The following CABCOCO1 variants were observed in gnomAD, a reference collection of about 807,000 sequenced individuals.
The protein encoded by CABCOCO1 is ciliary associated calcium binding coiled-coil 1, also known as ciliary-associated calcium-binding coiled-coil protein 1.
CABCOCO1 carries 28 observed loss-of-function variants against 35.7 expected under a neutral mutation model. The ratio of observed to expected loss-of-function variants is 0.78; its 90% CI spans 0.58 to 1.07. The LOEUF (loss-of-function observed/expected upper bound fraction) is 1.07, where lower values mean the gene tolerates loss of function less well. Among genes scored for constraint, CABCOCO1 ranks in the 50% least tolerant of loss-of-function variants. The pLI is 0.00. For missense variants in CABCOCO1, 326 were observed against 309.2 expected, an observed-to-expected ratio of 1.05 and a Z score of -0.41; for synonymous variants, 95 against 100.1, an observed-to-expected ratio of 0.95 and a Z score of 0.30.
intron 5 of CABCOCO1, among the ~76,000 whole-genome samples, chr10:61,752,343 A>T (rs2132081952): frequency 7.2e-6 from 1 of 138,332 alleles, no homozygotes; most frequent in Non-Finnish European, 1.5e-5. Context: ...AAGAATCACT[A>T]AGTGAGACTT....
chr10:61,759,017 C>T (rs1442929209), intron 5 of CABCOCO1, among the ~76,000 whole-genome samples: 1 of 151,510 alleles, frequency 6.6e-6, no homozygotes, highest in Non-Finnish European at 1.5e-5. Context: ...GGTTTTTTTT[C>T]AGGCTTCACA....
In CABCOCO1 at chr10:61,681,322, C is replaced by T. The variant is rs773360653; in HGVS notation, c.334+10C>T. 18 of 1,509,258 alleles carry T rather than the reference C, an allele frequency of 1.2e-5. 1 individual carries two copies. In the South Asian group the frequency reaches 2.2e-4, roughly 18 times the overall value. 93.5% of individuals were successfully genotyped at this position (1,509,258 alleles called of 1,614,324 possible). On this transcript the variant is annotated intron_variant, in intron 3 of 7. Coordinates refer to ENST00000648843, the MANE Select transcript of CABCOCO1 (RefSeq NM_001366906.2). ...CTTCAAAATCTTAAAAGTAAGTACA[C>T]TATTTTCCTTTGAAGTAAAACAAAT...
intron 3 of CABCOCO1, among the ~76,000 whole-genome samples, chr10:61,682,986 A>T (rs1589118918): frequency 6.8e-6 from 1 of 147,594 alleles, no homozygotes; most frequent in Non-Finnish European, 1.5e-5. Flanking sequence ...CGCCTCCTGG[A>T]TTCAAGCGAT....
At position 61,681,247 on chromosome 10, in the gene CABCOCO1, A is replaced by G. The variant is rs769982964; in HGVS notation, c.269A>G (p.Asp90Gly). The stretch of plus-strand genomic sequence containing the variant: ...GGATTTTTGTGGGCTAGAGGAATGG[A>G]TTTCTCTATTATTCAGTATTCAAAA... ...VSGFLWARGM[D>G]FSIIQYSKFM... Residue 90 changes from aspartate (D) to glycine (G), a missense_variant, in exon 3 of 8, where the codon GAT becomes GGT. By Grantham distance (94) the Asp-to-Gly change is moderately conservative. Coordinates refer to ENST00000648843, the MANE Select transcript of CABCOCO1 (RefSeq NM_001366906.2). 3.2e-6 allele frequency: 5 copies of G among 1,572,928 alleles called. No individual in the cohort carries two copies. Among genetic ancestry groups the G allele is most frequent in the Non-Finnish European group, 4.3e-6 (5 of 1,152,798 alleles).
intron 4 of CABCOCO1, 57 bp downstream of exon 4, chr10:61,686,242 TG>T: frequency 2.1e-6 from 3 of 1,412,430 alleles, no homozygotes; most frequent in Non-Finnish European, 2.8e-6. Context: ...GGAAAATGTC[TG>T]TTAAGTAAAA....
rs1003463996 is a variant in CABCOCO1 at position 61,766,442 on chromosome 10, T to A, written c.*429T>A. The stretch of plus-strand genomic sequence containing the variant: ...ACGTTACTGGAACACTGTGAAAACA[T>A]ACCAGTACCACACTATTGAGGATAA... On this transcript the variant is annotated 3_prime_UTR_variant, in exon 8 of 8. Coordinates refer to ENST00000648843, the MANE Select transcript of CABCOCO1 (RefSeq NM_001366906.2). 1.3e-5 allele frequency: 2 copies of A among 152,552 alleles called. No homozygotes were observed. Among genetic ancestry groups the A allele is most frequent in the Admixed American group, 6.5e-5 (1 of 15,404 alleles). The allele number at this position is 152,552 out of a possible 1,614,324, so 9.4% of individuals were successfully genotyped here.
At chr10:61,744,701 C>G (rs1349955718) in intron 5 of CABCOCO1, among the ~76,000 whole-genome samples, 2 of 152,074 alleles carry the variant, frequency 1.3e-5, no homozygotes, top group Non-Finnish European at 2.9e-5. Context: ...GAGAGTCAGA[C>G]CTATTGTCCT....
rs1307188265 is a variant in CABCOCO1, at chr10:61,704,443, A to G, written c.552+13822A>G. The stretch of plus-strand genomic sequence containing the variant: ...CACTGGTGATGCTGGTTGCTATGCT[A>G]TAAGGACACTTGGCAGCATCTGGAG... On this transcript the variant is annotated intron_variant, in intron 5 of 7. Coordinates refer to ENST00000648843, the MANE Select transcript of CABCOCO1 (RefSeq NM_001366906.2). 3.3e-5 allele frequency among the ~76,000 whole-genome samples: 5 copies of G among 152,292 alleles called. No individual in the cohort carries two copies. In the East Asian group the frequency reaches 9.7e-4, roughly 29 times the overall value.
At chr10:61,677,811 G>GTTTTTTTTTTTTTTTTTTTTTTTTTTTTT (rs35492889) in intron 2 of CABCOCO1, among the ~76,000 whole-genome samples, 2 of 60,308 alleles carry the variant, frequency 3.3e-5, no homozygotes, top group African/African-American at 1.3e-4. Context: ...TTTTTTGGGT[G>GTTTTTTTTTTTTTTTTTTTTTTTTTTTTT]TTTTTTTTTT....
At chr10:61,691,641 C>T (rs904106061) in intron 5 of CABCOCO1, among the ~76,000 whole-genome samples, 1 of 152,080 alleles carries the variant, frequency 6.6e-6, no homozygotes, top group Non-Finnish European at 1.5e-5. Flanking sequence ...TATCCCTCCC[C>T]TTGCCCCCCA....
intron 4 of CABCOCO1, among the ~76,000 whole-genome samples, chr10:61,690,161 G>A (rs984819241): frequency 5.3e-5 from 8 of 152,070 alleles, no homozygotes; most frequent in Admixed American, 4.6e-4. Context: ...TGTACCAGAG[G>A]AAATTGACTC....
rs566820172 is a variant in CABCOCO1 at position 61,731,302 on chromosome 10, A to G, written c.553-28757A>G. Among the ~76,000 whole-genome samples, 128 of 152,112 alleles carry G rather than the reference A, an allele frequency of 8.4e-4. 1 individual carries two copies. Among genetic ancestry groups the G allele is most frequent in the African/African-American group, 3.0e-3 (123 of 41,504 alleles). On this transcript the variant is annotated intron_variant, in intron 5 of 7. Coordinates refer to ENST00000648843, the MANE Select transcript of CABCOCO1 (RefSeq NM_001366906.2). The stretch of plus-strand genomic sequence containing the variant: ...TAAAACAAACAGAATTCCCGAGGTC[A>G]TGAGAATTCTAGGAATGGTCATCTG...
At chr10:61,698,340 C>T (rs1840349437) in intron 5 of CABCOCO1, among the ~76,000 whole-genome samples, 1 of 152,134 alleles carries the variant, frequency 6.6e-6, no homozygotes, top group Admixed American at 6.6e-5. Context: ...CCAGGGGCAC[C>T]ATTCACATTG....
intron 5 of CABCOCO1, among the ~76,000 whole-genome samples, chr10:61,733,285 C>A (rs1470453258): frequency 1.3e-5 from 2 of 151,826 alleles, no homozygotes; most frequent in African/African-American, 2.4e-5. Context: ...ATGCATCCTG[C>A]CATTTTTTGC....
chr10:61,664,093 A>G (rs1322155625), intron 1 of CABCOCO1, among the ~76,000 whole-genome samples: 1 of 152,176 alleles, frequency 6.6e-6, no homozygotes, highest in African/African-American at 2.4e-5. Flanking sequence ...CGAGATTCCT[A>G]CCAATACAAA....
At chr10:61,682,775 T>C (rs746392949) in intron 3 of CABCOCO1, among the ~76,000 whole-genome samples, 9 of 152,034 alleles carry the variant, frequency 5.9e-5, no homozygotes, top group Non-Finnish European at 1.3e-4. Context: ...GGGTCTACAC[T>C]AGCAAGTGAG....
chr10:61,712,333 T>C (rs958156816), intron 5 of CABCOCO1, among the ~76,000 whole-genome samples: 1 of 152,228 alleles, frequency 6.6e-6, no homozygotes, highest in African/African-American at 2.4e-5. Flanking sequence ...TTCATATCCT[T>C]TGCCCAGTTT....
chr10:61,763,455 AG>A (rs1229132010), intron 7 of CABCOCO1, among the ~76,000 whole-genome samples: 1 of 152,068 alleles, frequency 6.6e-6, no homozygotes, highest in Non-Finnish European at 1.5e-5. Context: ...TGTATAGTTT[AG>A]GTATTTTAAT....
chr10:61,743,185 G>C (rs1841586651), intron 5 of CABCOCO1, among the ~76,000 whole-genome samples: 1 of 152,136 alleles, frequency 6.6e-6, no homozygotes, highest in South Asian at 2.1e-4. Context: ...AACAAATGAA[G>C]GGAAATATAT....
Sources: allele counts gnomAD v4.1 joint callset (sites outside exome capture counted in the v4.1 genomes callset), GRCh38; gene constraint gnomAD v4.1.1; transcripts MANE v1.5; gene names NCBI Gene and HGNC (gene_info 2026-07-23, HGNC 2026-07-21).